KCNMB2: variants seen among roughly 807,000 people sequenced by gnomAD.
KCNMB2 encodes the protein potassium calcium-activated channel subfamily M regulatory beta subunit 2.
Under a neutral mutation model 24.5 loss-of-function variants are expected in KCNMB2, and 9 were observed. The observed-to-expected ratio is 0.37, with a 90% CI of 0.22 to 0.64. The LOEUF (loss-of-function observed/expected upper bound fraction) is 0.64. Ranked by LOEUF, KCNMB2 falls within the 30% of genes least tolerant of loss-of-function variation. KCNMB2 has a pLI of 0.63. For missense variants in KCNMB2, 226 were observed against 284.3 expected (o/e 0.79, Z 1.47); for synonymous variants, 109 against 104.4 (o/e 1.04, Z -0.27).
At chr3:178,799,095 A>T (rs2108446313) in intron 1 of KCNMB2, among the ~76,000 whole-genome samples, 1 of 152,270 alleles carries the variant, frequency 6.6e-6, no homozygotes, top group Non-Finnish European at 1.5e-5. Flanking sequence ...GAAAAAATGA[A>T]AGCCTTTTCT....
chr3:178,790,656 T>C (rs1713286118), intron 1 of KCNMB2, among the ~76,000 whole-genome samples: 1 of 152,162 alleles, frequency 6.6e-6, no homozygotes, highest in African/African-American at 2.4e-5. Context: ...GGGTAAGAAA[T>C]AGTGCTGTGC....
chr3:178,537,276 A>G (rs541374753), intron 1 of KCNMB2: 1 of 152,306 alleles, frequency 6.6e-6, no homozygotes, highest in South Asian at 2.1e-4. Flanking sequence ...TCCGTTTTGC[A>G]TATTGAAAGG....
chr3:178,834,918 G>A (rs1034673081), intron 4 of KCNMB2, among the ~76,000 whole-genome samples: 1 of 151,892 alleles, frequency 6.6e-6, no homozygotes, highest in Non-Finnish European at 1.5e-5. Flanking sequence ...AAAAGCGGGG[G>A]AAGGAACCTA....
At chr3:178,668,704 T>C (rs1008320436) in intron 1 of KCNMB2, among the ~76,000 whole-genome samples, 1 of 152,158 alleles carries the variant, frequency 6.6e-6, no homozygotes, top group Non-Finnish European at 1.5e-5. Flanking sequence ...GTGGGCATTG[T>C]GTACTTGTGG....
intron 1 of KCNMB2, among the ~76,000 whole-genome samples, chr3:178,773,436 G>C (rs1429792391): frequency 6.6e-6 from 1 of 151,810 alleles, no homozygotes; most frequent in Non-Finnish European, 1.5e-5. Context: ...CCCCCTTTTT[G>C]AATCTGGGTC....
intron 2 of KCNMB2, among the ~76,000 whole-genome samples, chr3:178,809,859 A>G (rs1714117034): frequency 6.6e-6 from 1 of 152,228 alleles, no homozygotes; most frequent in African/African-American, 2.4e-5. Flanking sequence ...TAAAATATTG[A>G]CTACGAAGAA....
chr3:178,695,563 A>G (rs1415278113), intron 1 of KCNMB2, among the ~76,000 whole-genome samples: 4 of 152,100 alleles, frequency 2.6e-5, no homozygotes, highest in Admixed American at 1.3e-4. Flanking sequence ...TCTCTCATAA[A>G]TTCAATGTTC....
At chr3:178,747,931 CA>C (rs1723725136) in intron 1 of KCNMB2, among the ~76,000 whole-genome samples, 1 of 152,162 alleles carries the variant, frequency 6.6e-6, no homozygotes, top group Non-Finnish European at 1.5e-5. Context: ...GAAATAGCAC[CA>C]AATAGAGGAG....
At chr3:178,816,513 T>G (rs1251802104) in intron 2 of KCNMB2, among the ~76,000 whole-genome samples, 2 of 152,084 alleles carry the variant, frequency 1.3e-5, no homozygotes. Context: ...CCTTATACTT[T>G]GTTTTAGTAT....
intron 1 of KCNMB2, among the ~76,000 whole-genome samples, chr3:178,771,477 T>C (rs921364459): frequency 4.7e-5 from 5 of 106,436 alleles, no homozygotes; most frequent in Admixed American, 8.8e-5. Context: ...TTCTTTCTTT[T>C]TTTTTTTTTT....
chr3:178,760,252 ATATATAGATATATCCAAGAGGATATATC>A, intron 1 of KCNMB2, among the ~76,000 whole-genome samples: 3 of 84,646 alleles, frequency 3.5e-5, no homozygotes, highest in African/African-American at 1.4e-4. Flanking sequence ...GGATATATCT[ATATATAGATATATCCAAGAGGATATATC>A]TATATATAGA....
At chr3:178,789,922 C>T (rs553280817) in intron 1 of KCNMB2, among the ~76,000 whole-genome samples, 9 of 151,968 alleles carry the variant, frequency 5.9e-5, no homozygotes, top group South Asian at 2.1e-4. Context: ...AGACACCATC[C>T]GGGGCAACTA....
chr3:178,813,161 A>G (rs1250651133), intron 2 of KCNMB2, among the ~76,000 whole-genome samples: 3 of 152,212 alleles, frequency 2.0e-5, no homozygotes, highest in Non-Finnish European at 4.4e-5. Flanking sequence ...GCATTTAAAA[A>G]AAGTGTACAT....
At chr3:178,798,550 AG>A (rs762338192) in intron 1 of KCNMB2, among the ~76,000 whole-genome samples, 1 of 152,204 alleles carries the variant, frequency 6.6e-6, no homozygotes, top group Non-Finnish European at 1.5e-5. Context: ...AGCCATAAAA[AG>A]TAACAAGATC....
chr3:178,806,726 A>G (rs181138554), intron 1 of KCNMB2, among the ~76,000 whole-genome samples: 3 of 151,572 alleles, frequency 2.0e-5, no homozygotes, highest in African/African-American at 7.3e-5. Flanking sequence ...AACCCACAAC[A>G]TTCTTAAAAT....
At chr3:178,619,567 AG>A (rs1364498545) in intron 1 of KCNMB2, among the ~76,000 whole-genome samples, 1 of 152,174 alleles carries the variant, frequency 6.6e-6, no homozygotes, top group Admixed American at 6.5e-5. Context: ...GATTTATTAG[AG>A]TATAAAAAAC....
intron 1 of KCNMB2, among the ~76,000 whole-genome samples, chr3:178,568,365 T>G (rs1052020580): frequency 1.3e-5 from 2 of 152,234 alleles, no homozygotes; most frequent in African/African-American, 4.8e-5. Flanking sequence ...TACACCAGCT[T>G]GGATGTATGT....
At chr3:178,796,936 A>G (rs1353670064) in intron 1 of KCNMB2, among the ~76,000 whole-genome samples, 1 of 152,118 alleles carries the variant, frequency 6.6e-6, no homozygotes, top group East Asian at 1.9e-4. Context: ...AAAACAATAC[A>G]AAAGATCAAT....
intron 1 of KCNMB2, among the ~76,000 whole-genome samples, chr3:178,611,355 CT>C (rs956361178): frequency 8.1e-4 from 123 of 152,230 alleles, no homozygotes; most frequent in African/African-American, 2.9e-3. Flanking sequence ...TGGAACCTCT[CT>C]CTTTTTTTCT....
Sources: gnomAD v4.1 joint callset for allele counts (sites outside exome capture counted in the v4.1 genomes callset) on GRCh38, gnomAD v4.1.1 for gene constraint, MANE v1.5 for transcripts, NCBI Gene and HGNC (gene_info 2026-07-23, HGNC 2026-07-21) for gene names.